Variants in TBC1D32 observed in about 807,000 individuals in gnomAD.
TBC1D32 encodes TBC1 domain family member 32.
TBC1D32 carries 151 observed loss-of-function variants against 170.3 expected under a neutral mutation model. The observed-to-expected ratio is 0.89, with a 90% CI of 0.78 to 1.01. The LOEUF (loss-of-function observed/expected upper bound fraction) is 1.01, where lower values mean the gene tolerates loss of function less well. TBC1D32 is among the 50% of genes least tolerant of loss of function. The pLI, the probability that TBC1D32 is intolerant of heterozygous loss-of-function variation, is 0.00. For missense variants in TBC1D32, 1,464 were observed against 1,457.1 expected (o/e 1.00, Z -0.08); for synonymous variants, 498 against 488.0 (o/e 1.02, Z -0.27).
At position 121,321,483 on chromosome 6, in the gene TBC1D32, G is replaced by C. The variant is rs1413618184; in HGVS notation, c.317+150C>G. ...AGATGCGAAGCCTTTGGAGAGTCTG[G>C]GTGAAAGGGTGTCATGATCTGACTC... is the stretch of plus-strand genomic sequence containing the variant. On this transcript the variant is annotated intron_variant, in intron 2 of 31. Coordinates refer to ENST00000398212, the MANE Select transcript of TBC1D32 (RefSeq NM_152730.6). 1.5e-5 allele frequency: 11 copies of C among 725,388 alleles called. No homozygotes were observed. The South Asian group carries it at 2.4e-4, about 16-fold the overall frequency. 44.9% of individuals were successfully genotyped at this position (725,388 alleles called of 1,614,324 possible).
intron 17 of TBC1D32, among the ~76,000 whole-genome samples, chr6:121,251,657 T>C (rs9482127): frequency 0.011 from 1,713 of 152,244 alleles, 42 homozygotes; most frequent in African/African-American, 0.04. Flanking sequence ...AAAAACTTCA[T>C]GACTAAAACA....
In TBC1D32 at chr6:121,255,389, T is replaced by G; in HGVS notation, c.1957A>C (p.Ile653Leu). The change falls in exon 17 of 32, where the codon ATT becomes CTT. Residue 653 changes from isoleucine (I) to leucine (L), a missense_variant. Ile to Leu is a conservative substitution (Grantham distance 5). Transcript: ENST00000398212. ...TCAGAACCCTCTACTGGAGTAGGAA[T>G]TCTTTCTGATAGCAAACTTGTCTAA... ...WKKTSLLSER[I>L]PTPVEGSDSV... The G allele has an allele frequency of 5.3e-6, 8 of 1,502,470 alleles. No individual in the cohort carries two copies. Among genetic ancestry groups the G allele is most frequent in the Non-Finnish European group, 7.1e-6 (8 of 1,128,884 alleles). The allele number at this position is 1,502,470 out of a possible 1,614,324, so 93.1% of individuals were successfully genotyped here.
At chr6:121,170,326 G>A (rs1273749) in intron 22 of TBC1D32, 1,285,111 of 1,334,462 alleles carry the variant, frequency 0.96, 621,409 homozygotes, top group Non-Finnish European at 0.98. Flanking sequence ...CATTAAACAA[G>A]CTATATCAAA....
intron 31 of TBC1D32, among the ~76,000 whole-genome samples, chr6:121,090,251 T>C (rs1471753341): frequency 6.6e-6 from 1 of 152,170 alleles, no homozygotes; most frequent in Non-Finnish European, 1.5e-5. Context: ...GATTCTTAAC[T>C]GTAAACAAAT....
intron 17 of TBC1D32, among the ~76,000 whole-genome samples, chr6:121,253,500 C>T (rs1207915340): frequency 6.6e-6 from 1 of 152,106 alleles, no homozygotes; most frequent in Non-Finnish European, 1.5e-5. Context: ...GGGCGGATCA[C>T]GAGGTCAGAA....
intron 24 of TBC1D32, among the ~76,000 whole-genome samples, chr6:121,143,217 T>A (rs1037897849): frequency 6.6e-6 from 1 of 152,158 alleles, no homozygotes; most frequent in Admixed American, 6.6e-5. Context: ...TGATGATCCA[T>A]ACATATACTC....
chr6:121,270,573 T>C (rs976651236), intron 15 of TBC1D32, among the ~76,000 whole-genome samples: 7 of 152,102 alleles, frequency 4.6e-5, no homozygotes, highest in Admixed American at 3.3e-4. Flanking sequence ...AGAAGCTGAA[T>C]CCCTGAATAG....
chr6:121,113,036 A>G (rs1423080089), intron 28 of TBC1D32, 26 bp downstream of exon 28: 1 of 1,517,764 alleles, frequency 6.6e-7, no homozygotes, highest in African/African-American at 1.4e-5. Flanking sequence ...AAATTAAGCT[A>G]TTGTGAATAT....
At position 121,080,006 on chromosome 6, in the gene TBC1D32, T is replaced by C. The variant is rs1343498401; in HGVS notation, c.*765A>G. Reference sequence around the variant, plus strand: ...CCACTTGCCATGGTAAATAGTATCATTGTTCTTCCACATGTAAAAGAAGCA... The same window carrying C: ...CCACTTGCCATGGTAAATAGTATCACTGTTCTTCCACATGTAAAAGAAGCA... On this transcript the variant is annotated 3_prime_UTR_variant, in exon 32 of 32. Coordinates refer to ENST00000398212, the MANE Select transcript of TBC1D32 (RefSeq NM_152730.6). The C allele has an allele frequency of 6.6e-6, 1 of 152,184 alleles. No individual in the cohort carries two copies. Among genetic ancestry groups the C allele is most frequent in the Non-Finnish European group, 1.5e-5 (1 of 68,034 alleles). The allele number at this position is 152,184 out of a possible 1,614,324, so 9.4% of individuals were successfully genotyped here.
chr6:121,278,487 G>T (rs1251105464), intron 15 of TBC1D32, among the ~76,000 whole-genome samples: 2 of 152,058 alleles, frequency 1.3e-5, no homozygotes, highest in African/African-American at 4.8e-5. Flanking sequence ...AAGAAAAAGA[G>T]CATTTATTGC....
chr6:121,294,710 C>A, intron 10 of TBC1D32, 50 bp from the exon 11 acceptor site: 1 of 1,392,152 alleles, frequency 7.2e-7, no homozygotes, highest in Non-Finnish European at 1.0e-6. Context: ...CCCTCAAGTC[C>A]AAGAATTAAA....
At chr6:121,135,815 C>G (rs1359155932) in intron 24 of TBC1D32, among the ~76,000 whole-genome samples, 1 of 152,070 alleles carries the variant, frequency 6.6e-6, no homozygotes, top group Non-Finnish European at 1.5e-5. Context: ...GGGTTTTCCA[C>G]AGAGGTCCCA....
chr6:121,096,347 G>A (rs974325855), intron 30 of TBC1D32: 3 of 152,022 alleles, frequency 2.0e-5, no homozygotes, highest in African/African-American at 7.2e-5. Flanking sequence ...CTTCAGCAAA[G>A]TCTCAGGATA....
At position 121,106,635 on chromosome 6, in the gene TBC1D32, C is replaced by T. The variant is rs929133198; in HGVS notation, c.3325-472G>A. ...GAAGATATTTGCATTGTACCCTTTACTATGTTGATATTAGCCTAAATCTGA... is the reference window on the plus strand; with the variant it reads ...GAAGATATTTGCATTGTACCCTTTATTATGTTGATATTAGCCTAAATCTGA... On this transcript the variant is annotated intron_variant, in intron 29 of 31. Transcript: ENST00000398212. Among the ~76,000 whole-genome samples the T allele has an allele frequency of 5.9e-5, 9 of 152,038 alleles. No individual in the cohort carries two copies. The South Asian group carries it at 6.2e-4, about 11-fold the overall frequency.
At chr6:121,242,446 GTA>G (rs1797103089) in intron 17 of TBC1D32, 107 bp from the exon 18 acceptor site, 2 of 1,009,736 alleles carry the variant, frequency 2.0e-6, no homozygotes, top group Admixed American at 5.7e-5. Flanking sequence ...AAGTTACACA[GTA>G]TATATTGGTT....
At chr6:121,293,355 C>A (rs977556122) in intron 11 of TBC1D32, among the ~76,000 whole-genome samples, 1 of 152,086 alleles carries the variant, frequency 6.6e-6, no homozygotes, top group Non-Finnish European at 1.5e-5. Flanking sequence ...ACACTTTCTC[C>A]TCCCCTACAA....
intron 25 of TBC1D32, among the ~76,000 whole-genome samples, chr6:121,128,639 A>T (rs1306822729): frequency 6.6e-6 from 1 of 152,140 alleles, no homozygotes; most frequent in African/African-American, 2.4e-5. Flanking sequence ...CTTTAATCAC[A>T]TCTATTTCCT....
chr6:121,205,114 G>T lies in TBC1D32; in HGVS notation c.2531C>A (p.Ser844Tyr), dbSNP rs1054284681. Residue 844 changes from serine to tyrosine, a missense_variant, in exon 22 of 32, where the codon TCT (serine) becomes TAT (tyrosine). Physicochemically the swap from Ser to Tyr is moderately radical, Grantham distance 144 (BLOSUM62 -2). This residue lies in a region of TBC1D32 where 1,363 missense variants were observed against 1,338.1 expected (regional missense o/e 1.02). Transcript: ENST00000398212. The part of the protein sequence containing the change: ...IILNSEAKIR[S>Y]LFNYEQSHIF... ...ATGTGATTGTTCATAGTTGAATAAA[G>T]AACGAATCTTAGCTTCAGAATTCAA... 6.5e-7 allele frequency: 1 copy of T among 1,535,822 alleles called. No homozygotes were observed. The highest frequency in any genetic ancestry group is 8.8e-7 in the Non-Finnish European group (1 of 1,132,766).
intron 26 of TBC1D32, 86 bp downstream of exon 26, chr6:121,126,292 C>T: frequency 2.1e-6 from 2 of 961,670 alleles, no homozygotes; most frequent in Middle Eastern, 2.7e-4. Context: ...GAGAAAACTG[C>T]CTATCTGTAA....
Sources: allele counts gnomAD v4.1 joint callset (sites outside exome capture counted in the v4.1 genomes callset), GRCh38; gene constraint gnomAD v4.1.1; regional missense constraint gnomAD v4.1.1; transcripts MANE v1.5; gene names NCBI Gene and HGNC (gene_info 2026-07-23, HGNC 2026-07-21).